DLG2: variants seen among roughly 807,000 people sequenced by gnomAD.
DLG2 encodes disks large homolog 2.
Under a neutral mutation model 132.5 loss-of-function variants are expected in DLG2, and 45 were observed. The observed-to-expected ratio is 0.34, with a 90% CI of 0.27 to 0.44. The LOEUF is 0.44. Ranked by LOEUF, DLG2 falls within the 20% of genes least tolerant of loss-of-function variation. The pLI, the probability that DLG2 is intolerant of heterozygous loss-of-function variation, is 1.00. For missense variants in DLG2, 1,045 were observed against 1,196.9 expected (o/e 0.87, Z 1.87); for synonymous variants, 424 against 419.6 (o/e 1.01, Z -0.13).
intron 6 of DLG2, among the ~76,000 whole-genome samples, chr11:84,786,649 A>G (rs1177603959): frequency 1.3e-5 from 2 of 152,198 alleles, no homozygotes; most frequent in African/African-American, 2.4e-5. Flanking sequence ...AGATCTGAAT[A>G]AAGCTCCAAT....
intron 4 of DLG2, among the ~76,000 whole-genome samples, chr11:85,241,355 T>C (rs1188569697): frequency 6.6e-6 from 1 of 151,882 alleles, no homozygotes; most frequent in African/African-American, 2.4e-5. Context: ...TTATTTCTTA[T>C]TTTCCAATCC....
intron 7 of DLG2, among the ~76,000 whole-genome samples, chr11:84,489,141 G>T (rs1200341004): frequency 6.6e-6 from 1 of 151,844 alleles, no homozygotes; most frequent in Non-Finnish European, 1.5e-5. Context: ...CCCCTGCATG[G>T]CTTTATGTTT....
chr11:83,625,784 A>C (rs1022488971), intron 19 of DLG2, among the ~76,000 whole-genome samples: 1 of 152,148 alleles, frequency 6.6e-6, no homozygotes, highest in Non-Finnish European at 1.5e-5. Flanking sequence ...AACAAATGAA[A>C]CAGCCTGAAA....
intron 3 of DLG2, among the ~76,000 whole-genome samples, chr11:85,403,642 G>T (rs760458208): frequency 6.6e-6 from 1 of 151,960 alleles, no homozygotes; most frequent in Non-Finnish European, 1.5e-5. Context: ...GGCAGGGTAA[G>T]GAAAATGCAA....
chr11:83,812,254 C>CA (rs2047497803), intron 17 of DLG2, among the ~76,000 whole-genome samples: 1 of 152,098 alleles, frequency 6.6e-6, no homozygotes, highest in South Asian at 2.1e-4. Context: ...AACACTAAAG[C>CA]AAAATACTTC....
At position 85,291,563 on chromosome 11, in the gene DLG2, A is replaced by G. The variant is rs149275695; in HGVS notation, c.41-6198T>C. Among the ~76,000 whole-genome samples the G allele has an allele frequency of 4.2e-3, 629 of 149,774 alleles. 2 individuals carry two copies. The highest frequency in any genetic ancestry group is 5.3e-3 in the Non-Finnish European group (362 of 67,762). ...AGCTGTTTAATCCCAAAAATTTACC[A>G]AAATCACCTGAGGATTCTCTTCTTT... is the stretch of plus-strand genomic sequence containing the variant. On this transcript the variant is annotated intron_variant, in intron 3 of 27. Coordinates refer to ENST00000376104, the MANE Select transcript of DLG2 (RefSeq NM_001142699.3).
chr11:83,947,316 G>A (rs1269303561), intron 14 of DLG2, among the ~76,000 whole-genome samples: 2 of 151,974 alleles, frequency 1.3e-5, no homozygotes, highest in East Asian at 3.9e-4. Context: ...TTACAATTAG[G>A]CCTGGTTTTT....
intron 7 of DLG2, among the ~76,000 whole-genome samples, chr11:84,392,526 A>G (rs1236975781): frequency 6.6e-6 from 1 of 152,220 alleles, no homozygotes; most frequent in East Asian, 1.9e-4. Flanking sequence ...TGTTCAAGGA[A>G]TGTGATTTTC....
chr11:84,941,804 T>A (rs1486449735), intron 6 of DLG2, among the ~76,000 whole-genome samples: 3 of 152,098 alleles, frequency 2.0e-5, no homozygotes, highest in Non-Finnish European at 4.4e-5. Context: ...TCAGAATAGT[T>A]TCAATAAGAC....
intron 4 of DLG2, among the ~76,000 whole-genome samples, chr11:85,196,940 A>G (rs759681572): frequency 6.6e-6 from 1 of 152,234 alleles, no homozygotes; most frequent in Admixed American, 6.5e-5. Context: ...CATAAAAAGA[A>G]TCAACCATAT....
At chr11:84,698,859 A>G (rs940076811) in intron 6 of DLG2, among the ~76,000 whole-genome samples, 4 of 151,700 alleles carry the variant, frequency 2.6e-5, no homozygotes, top group Middle Eastern at 3.4e-3. Context: ...GGTAGTTCTG[A>G]AAATACATTG....
chr11:84,969,463 A>G (rs962977882), intron 6 of DLG2, among the ~76,000 whole-genome samples: 1 of 152,324 alleles, frequency 6.6e-6, no homozygotes, highest in Non-Finnish European at 1.5e-5. Flanking sequence ...ATTATAAGCA[A>G]AATTCCAGAG....
At chr11:84,750,893 T>A (rs1195434720) in intron 6 of DLG2, among the ~76,000 whole-genome samples, 1 of 152,188 alleles carries the variant, frequency 6.6e-6, no homozygotes, top group Non-Finnish European at 1.5e-5. Context: ...AGTACCTAAT[T>A]AACACTTCCC....
At chr11:85,429,230 A>G (rs2090994210) in intron 3 of DLG2, among the ~76,000 whole-genome samples, 1 of 152,214 alleles carries the variant, frequency 6.6e-6, no homozygotes. Context: ...TCCTTCTGAA[A>G]CTATTCCAAT....
chr11:84,979,458 C>A (rs1208891962), intron 6 of DLG2, among the ~76,000 whole-genome samples: 1 of 152,128 alleles, frequency 6.6e-6, no homozygotes, highest in Non-Finnish European at 1.5e-5. Flanking sequence ...ACATATACAC[C>A]ATGGAATACT....
chr11:84,827,623 T>C (rs918864212), intron 6 of DLG2, among the ~76,000 whole-genome samples: 2 of 131,430 alleles, frequency 1.5e-5, no homozygotes, highest in African/African-American at 3.0e-5. Context: ...ACGGTGGAAG[T>C]TGATGGAAGC....
At chr11:84,584,410 A>G (rs1001489279) in intron 6 of DLG2, among the ~76,000 whole-genome samples, 3 of 151,916 alleles carry the variant, frequency 2.0e-5, no homozygotes, top group Non-Finnish European at 2.9e-5. Context: ...TTCTTCATAT[A>G]TTCATAGCTC....
chr11:84,964,467 G>A (rs1407697414), intron 6 of DLG2, among the ~76,000 whole-genome samples: 3 of 151,998 alleles, frequency 2.0e-5, no homozygotes, highest in Non-Finnish European at 4.4e-5. Context: ...TAGCCACTAA[G>A]TCCAATTCCA....
At chr11:83,466,213 C>T (rs957924559) in intron 26 of DLG2, among the ~76,000 whole-genome samples, 1 of 151,966 alleles carries the variant, frequency 6.6e-6, no homozygotes, top group Non-Finnish European at 1.5e-5. Context: ...AGGAAAATGC[C>T]AATGAAAAAA....
Sources: allele counts gnomAD v4.1 joint callset (sites outside exome capture counted in the v4.1 genomes callset), GRCh38; gene constraint gnomAD v4.1.1; transcripts MANE v1.5; gene names NCBI Gene and HGNC (gene_info 2026-07-23, HGNC 2026-07-21).